Variants in PRKCA observed in about 807,000 individuals in gnomAD.
PRKCA encodes protein kinase C alpha.
A neutral mutation model predicts 87.0 loss-of-function variants in PRKCA; 27 were observed. The ratio of observed to expected loss-of-function variants is 0.31; its 90% CI spans 0.23 to 0.43. The LOEUF (loss-of-function observed/expected upper bound fraction) is 0.43. Among genes scored for constraint, PRKCA ranks in the 20% least tolerant of loss-of-function variants. The probability of loss-of-function intolerance (pLI) is 1.00; values close to 1 mark genes in which losing one functional copy is unlikely to be tolerated. For synonymous variants in PRKCA, 329 were observed against 311.1 expected, an observed-to-expected ratio of 1.06 and a Z score of -0.61; for missense variants, 518 against 852.3, an observed-to-expected ratio of 0.61 and a Z score of 4.88.
intron 3 of PRKCA, among the ~76,000 whole-genome samples, chr17:66,568,564 C>G (rs1968966543): frequency 2.0e-5 from 3 of 151,982 alleles, no homozygotes; most frequent in Admixed American, 6.6e-5. Flanking sequence ...CCATGGACAG[C>G]TCATTCGTAT....
chr17:66,556,196 C>T (rs756231963), intron 3 of PRKCA, among the ~76,000 whole-genome samples: 1 of 151,874 alleles, frequency 6.6e-6, no homozygotes, highest in African/African-American at 2.4e-5. Flanking sequence ...CTGAAAGGCA[C>T]TTTAAAAATT....
In PRKCA at chr17:66,645,378, C is replaced by G. The variant is rs1382718542; in HGVS notation, c.401-5C>G. On this transcript the variant is annotated splice_polypyrimidine_tract_variant and splice_region_variant and intron_variant, in intron 4 of 16. Transcript: ENST00000413366. ...CAGCTCACCCTCTCCTTTCTTGATT[C>G]ACAGCCTGCGATATGAACGTTCACA... The G allele has an allele frequency of 6.2e-7, 1 of 1,614,180 alleles. No homozygotes were observed. Among genetic ancestry groups the G allele is most frequent in the Admixed American group, 1.7e-5 (1 of 60,020 alleles).
At position 66,562,133 on chromosome 17, in the gene PRKCA, TAAA is replaced by T. The variant is rs1487268983; in HGVS notation, c.288+65851_288+65853del. ...ATATATATAATTAAATATATATAATTAAATTATATATATAATTAAATTATATAT... is the reference window on the plus strand; with the variant it reads ...ATATATATAATTAAATATATATAATTTTATATATATAATTAAATTATATAT... On this transcript the variant is annotated intron_variant, in intron 3 of 16. Transcript: ENST00000413366. 3.2e-4 allele frequency among the ~76,000 whole-genome samples: 11 copies of T among 34,434 alleles called. 1 individual carries two copies. In the East Asian group the frequency reaches 5.3e-3, roughly 17 times the overall value. The allele number at this position is 34,434 out of a possible 152,430, so 22.6% of individuals were successfully genotyped here. A position where few individuals can be genotyped will look rare whatever the true frequency, so the allele number is the denominator to read the frequency against.
intron 2 of PRKCA, among the ~76,000 whole-genome samples, chr17:66,401,141 G>A (rs1910999172): frequency 6.6e-6 from 1 of 152,198 alleles, no homozygotes; most frequent in African/African-American, 2.4e-5. Context: ...ATGAGAAGTA[G>A]CCACGTTTTG....
intron 13 of PRKCA, among the ~76,000 whole-genome samples, chr17:66,772,748 C>T (rs1974967287): frequency 6.6e-6 from 1 of 152,228 alleles, no homozygotes; most frequent in Middle Eastern, 3.4e-3. Context: ...TAGAATTATT[C>T]TAGTACTTCT....
intron 2 of PRKCA, among the ~76,000 whole-genome samples, chr17:66,403,158 C>T (rs1412103408): frequency 1.3e-5 from 2 of 152,148 alleles, no homozygotes; most frequent in African/African-American, 4.8e-5. Context: ...GCCCTCCATT[C>T]TTGGTGACTT....
At chr17:66,736,286 T>TC (rs1456178289) in intron 10 of PRKCA, among the ~76,000 whole-genome samples, 1 of 150,092 alleles carries the variant, frequency 6.7e-6, no homozygotes, top group Non-Finnish European at 1.5e-5. Context: ...AGTCTTGGCT[T>TC]TTTTTTTTTG....
At chr17:66,344,912 C>T (rs750250955) in intron 2 of PRKCA, among the ~76,000 whole-genome samples, 11 of 152,150 alleles carry the variant, frequency 7.2e-5, no homozygotes, top group Non-Finnish European at 1.5e-4. Flanking sequence ...AATGCAGGCA[C>T]GTGCCGCCAC....
At chr17:66,394,072 C>CAA in intron 2 of PRKCA, among the ~76,000 whole-genome samples, 1 of 150,210 alleles carries the variant, frequency 6.7e-6, no homozygotes, top group South Asian at 2.1e-4. Flanking sequence ...GAGACTGTCT[C>CAA]AAAAAAAAAG....
At chr17:66,405,837 A>G (rs180739678) in intron 2 of PRKCA, among the ~76,000 whole-genome samples, 3 of 152,146 alleles carry the variant, frequency 2.0e-5, no homozygotes, top group Non-Finnish European at 2.9e-5. Context: ...AAAGTCAAGC[A>G]TTTTGGTAGG....
At chr17:66,345,442 T>C (rs1281440608) in intron 2 of PRKCA, among the ~76,000 whole-genome samples, 1 of 152,204 alleles carries the variant, frequency 6.6e-6, no homozygotes, top group Non-Finnish European at 1.5e-5. Context: ...ATGCCATCAC[T>C]TGCCTAATTA....
intron 2 of PRKCA, among the ~76,000 whole-genome samples, chr17:66,424,089 T>C (rs1912647386): frequency 6.6e-6 from 1 of 152,302 alleles, no homozygotes; most frequent in South Asian, 2.1e-4. Context: ...TCTTTCCCAT[T>C]GTATTTCTTC....
chr17:66,344,582 C>T (rs1907246558), intron 2 of PRKCA, among the ~76,000 whole-genome samples: 1 of 152,102 alleles, frequency 6.6e-6, no homozygotes, highest in Non-Finnish European at 1.5e-5. Context: ...ACATAATCAT[C>T]CCTGTAAAGT....
At chr17:66,791,866 A>C (rs953264178) in intron 16 of PRKCA, among the ~76,000 whole-genome samples, 3 of 152,286 alleles carry the variant, frequency 2.0e-5, no homozygotes, top group Non-Finnish European at 4.4e-5. Flanking sequence ...GTGGTGTTCC[A>C]GCTTCCTTGG....
At position 66,795,738 on chromosome 17, in the gene PRKCA, C is replaced by T. The variant is rs536552736; in HGVS notation, c.1854+6759C>T. ...TGTTGGCAGTGAAGGTTTCCAACAA[C>T]GATGGCCATTACAACTTTTCTTGGA... On this transcript the variant is annotated intron_variant, in intron 16 of 16. Coordinates refer to ENST00000413366, the MANE Select transcript of PRKCA (RefSeq NM_002737.3). 1.3e-4 allele frequency among the ~76,000 whole-genome samples: 20 copies of T among 152,298 alleles called. 1 individual carries two copies. In the East Asian group the frequency reaches 3.7e-3, roughly 28 times the overall value.
rs61761472 is a variant in PRKCA, at chr17:66,741,612, CA to C, written c.1323-46del. On this transcript the variant is annotated intron_variant, in intron 11 of 16. Coordinates refer to ENST00000413366, the MANE Select transcript of PRKCA (RefSeq NM_002737.3). ...AATTTGAGAATGTAAAGTATACAGG[CA>C]TCTAAGGAAGCAAGTGAGAAACCTG... The C allele has an allele frequency of 7.0e-4, 1,102 of 1,576,864 alleles. 2 individuals are homozygous for C. The African/African-American group carries it at 0.011, about 16-fold the overall frequency.
intron 2 of PRKCA, among the ~76,000 whole-genome samples, chr17:66,341,174 G>GC (rs2143353836): frequency 6.6e-6 from 1 of 152,208 alleles, no homozygotes; most frequent in East Asian, 1.9e-4. Flanking sequence ...TGTCTAGAAA[G>GC]CTGCTAGCTT....
chr17:66,480,410 C>T (rs1032477806), intron 2 of PRKCA, among the ~76,000 whole-genome samples: 15 of 152,178 alleles, frequency 9.9e-5, no homozygotes, highest in South Asian at 4.1e-4. Context: ...TTGAATTGTT[C>T]CCCAAGATAA....
intron 2 of PRKCA, among the ~76,000 whole-genome samples, chr17:66,353,651 G>T (rs1429962874): frequency 6.6e-6 from 1 of 152,202 alleles, no homozygotes; most frequent in Non-Finnish European, 1.5e-5. Flanking sequence ...GGGAGGCGGA[G>T]GTTGCAGTGA....
Sources: gnomAD v4.1 joint callset for allele counts (sites outside exome capture counted in the v4.1 genomes callset) on GRCh38, gnomAD v4.1.1 for gene constraint, MANE v1.5 for transcripts, NCBI Gene and HGNC (gene_info 2026-07-23, HGNC 2026-07-21) for gene names.